Variants in DHX35 observed in about 807,000 individuals in gnomAD.
DHX35 encodes DEAH-box helicase 35.
DHX35 carries 84 observed loss-of-function variants against 99.6 expected under a neutral mutation model. The ratio of observed to expected loss-of-function variants is 0.84; its 90% CI spans 0.71 to 1.01. The LOEUF is 1.01. Ranked by LOEUF, DHX35 falls within the 50% of genes least tolerant of loss-of-function variation. DHX35 has a pLI of 0.00. For missense variants in DHX35, 852 were observed against 888.5 expected, an observed-to-expected ratio of 0.96 and a Z score of 0.52; for synonymous variants, 331 against 316.2, an observed-to-expected ratio of 1.05 and a Z score of -0.50.
rs760790227 is a variant in DHX35 at position 38,994,880 on chromosome 20, C to T, written c.642C>T (p.Asp214=). ...TAGCTTCAGCCACTCTGGATGCAGA[C>T]GTAAGAGCCTTGCCTCCCCTTTCCT... ...LIVASATLDA[D]KFRDFFNQNE... Residue 214 remains aspartate (D), a splice_region_variant and synonymous_variant, in exon 8 of 22, where the codon GAC becomes GAT. Coordinates refer to ENST00000252011, the MANE Select transcript of DHX35 (RefSeq NM_021931.4). The T allele has an allele frequency of 2.4e-5, 39 of 1,613,538 alleles. No homozygotes were observed. The highest frequency in any genetic ancestry group is 3.3e-5 in the Admixed American group (2 of 60,016).
chr20:38,973,262 C>A (rs2145839922), intron 3 of DHX35, among the ~76,000 whole-genome samples: 1 of 152,270 alleles, frequency 6.6e-6, no homozygotes, highest in East Asian at 1.9e-4. Flanking sequence ...TGAAGACTGA[C>A]TGAGCTTGAG....
At position 39,015,548 on chromosome 20, in the gene DHX35, C is replaced by T. The variant is rs6101364; in HGVS notation, c.1402+614C>T. ...AGAGAAAATCATAGTCTGAATTCAC[C>T]GCTTTGGGGAGTACTGTTTCTTCTG... is the stretch of plus-strand genomic sequence containing the variant. On this transcript the variant is annotated intron_variant, in intron 14 of 21. Coordinates refer to ENST00000252011, the MANE Select transcript of DHX35 (RefSeq NM_021931.4). Among the ~76,000 whole-genome samples the T allele has an allele frequency of 9.7e-3, 1,478 of 152,204 alleles. 15 individuals carry two copies. Among genetic ancestry groups the T allele is most frequent in the African/African-American group, 0.033 (1,364 of 41,514 alleles).
Position 38,977,821 on chromosome 20 carries a change from T to A in DHX35, c.267+5170T>A, listed in dbSNP as rs140106755. 1.6e-3 allele frequency: 900 copies of A among 548,332 alleles called. 15 individuals are homozygous for A. The East Asian group carries it at 0.025, about 15-fold the overall frequency. The allele number at this position is 548,332 out of a possible 1,614,324, so 34.0% of individuals were successfully genotyped here. On this transcript the variant is annotated intron_variant, in intron 3 of 21. Transcript: ENST00000252011. ...CCTTTTGATCTTGGTGTTGGTGGTA[T>A]TGAGTCTTTTCCATTCTGATTTGAC...
At chr20:39,001,619 AAT>A in intron 8 of DHX35, 109 bp from the exon 9 acceptor site, 1 of 731,612 alleles carries the variant, frequency 1.4e-6, no homozygotes, top group Non-Finnish European at 2.3e-6. Context: ...GCACATATAT[AAT>A]CTTGCTACTC....
At chr20:38,970,267 A>G (rs2085974533) in intron 2 of DHX35, among the ~76,000 whole-genome samples, 1 of 152,144 alleles carries the variant, frequency 6.6e-6, no homozygotes, top group South Asian at 2.1e-4. Flanking sequence ...CTGTGCTGAT[A>G]ATTCCTCTTC....
At chr20:39,023,801 A>G in intron 17 of DHX35, 34 bp downstream of exon 17, 1 of 1,564,074 alleles carries the variant, frequency 6.4e-7, no homozygotes, top group Non-Finnish European at 8.8e-7. Flanking sequence ...TGCCGCCTCA[A>G]CACACCACCC....
chr20:38,978,258 AT>A (rs2086113917), intron 3 of DHX35: 1 of 789,528 alleles, frequency 1.3e-6, no homozygotes, highest in African/African-American at 1.7e-5. Flanking sequence ...TGTGCAATTC[AT>A]CCTTTGCACC....
At chr20:38,984,449 T>C (rs1463848218) in intron 4 of DHX35, among the ~76,000 whole-genome samples, 1 of 152,196 alleles carries the variant, frequency 6.6e-6, no homozygotes, top group Non-Finnish European at 1.5e-5. Flanking sequence ...AAAAATGAGA[T>C]CATATTTAAT....
chr20:38,998,899 C>T (rs1486594051), intron 8 of DHX35, among the ~76,000 whole-genome samples: 7 of 152,210 alleles, frequency 4.6e-5, no homozygotes, highest in South Asian at 4.1e-4. Flanking sequence ...CAGGTTCAAA[C>T]GATTCTCCTG....
At chr20:38,977,674 C>G (rs2086102556) in intron 3 of DHX35, 1 of 367,228 alleles carries the variant, frequency 2.7e-6, no homozygotes. Context: ...AAAGTTCTCA[C>G]TCTGCATTAT....
chr20:39,017,789 T>C (rs912611363), intron 14 of DHX35, among the ~76,000 whole-genome samples: 1 of 152,226 alleles, frequency 6.6e-6, no homozygotes, highest in Admixed American at 6.5e-5. Context: ...CAGGAGGCAG[T>C]TGCATGAACA....
In DHX35 at chr20:39,018,857, T is replaced by C; in HGVS notation, c.1456T>C (p.Phe486Leu). 1 of 1,613,780 alleles carries C rather than the reference T, an allele frequency of 6.2e-7. No individual in the cohort carries two copies. Among genetic ancestry groups the C allele is most frequent in the South Asian group, 1.1e-5 (1 of 91,066 alleles). Reference protein sequence around the residue: ...TEPLGMRIAEFPLNPMFAKML... With the variant: ...TEPLGMRIAELPLNPMFAKML... ...ACCGCTTGGCATGAGAATTGCAGAGTTTCCTTTGAATCCCATGTTTGCCAA... is the reference window on the plus strand; with the variant it reads ...ACCGCTTGGCATGAGAATTGCAGAGCTTCCTTTGAATCCCATGTTTGCCAA... Residue 486 changes from phenylalanine to leucine, a missense_variant, in exon 15 of 22, where the codon TTT (phenylalanine) becomes CTT (leucine). Transcript: ENST00000252011.
At position 39,006,206 on chromosome 20, in the gene DHX35, A is replaced by G; in HGVS notation, c.1072A>G (p.Ile358Val). The G allele has an allele frequency of 6.2e-7, 1 of 1,614,174 alleles. No individual in the cohort carries two copies. The highest frequency in any genetic ancestry group is 1.1e-5 in the South Asian group (1 of 91,084). The change falls in exon 12 of 22, where the codon ATC (isoleucine) becomes GTC (valine). Residue 358 changes from isoleucine to valine, a missense_variant. Transcript: ENST00000252011. The stretch of plus-strand genomic sequence containing the variant: ...CACAATCAGCGGCATTGTGTATGTG[A>G]TCGACTGTGGCTTTGTGAAACTCCG... ...SITISGIVYVIDCGFVKLRAY... is the reference protein window; with the variant it reads ...SITISGIVYVVDCGFVKLRAY...
At chr20:39,008,299 C>T (rs2086650588) in intron 12 of DHX35, among the ~76,000 whole-genome samples, 1 of 152,186 alleles carries the variant, frequency 6.6e-6, no homozygotes. Context: ...GACATTTGGG[C>T]TGTTTTTGCC....
At position 39,021,702 on chromosome 20, in the gene DHX35, C is replaced by G. The variant is rs2086874532; in HGVS notation, c.1499-139C>G. 8 of 826,836 alleles carry G rather than the reference C, an allele frequency of 9.7e-6. No homozygotes were observed. The South Asian group carries it at 1.2e-4, about 13-fold the overall frequency. 51.2% of individuals were successfully genotyped at this position (826,836 alleles called of 1,614,324 possible). On this transcript the variant is annotated intron_variant, in intron 15 of 21. Coordinates refer to ENST00000252011, the MANE Select transcript of DHX35 (RefSeq NM_021931.4). ...TTGCCATGCTGCCCAGGCTTATATA[C>G]TATACACTTTAAAAATTAAGCTCTA... is the stretch of plus-strand genomic sequence containing the variant.
At chr20:39,019,719 G>T (rs1388322511) in intron 15 of DHX35, among the ~76,000 whole-genome samples, 3 of 152,128 alleles carry the variant, frequency 2.0e-5, no homozygotes, top group African/African-American at 7.2e-5. Flanking sequence ...CTAAGAATTT[G>T]TGCTAAGAAT....
chr20:39,025,327 T>G lies in DHX35; in HGVS notation c.1769T>G (p.Val590Gly). The G allele has an allele frequency of 6.2e-7, 1 of 1,613,884 alleles. No individual in the cohort carries two copies. Among genetic ancestry groups the G allele is most frequent in the Non-Finnish European group, 8.5e-7 (1 of 1,179,872 alleles). The change falls in exon 18 of 22, where the codon GTC (valine) becomes GGC (glycine). Residue 590 changes from valine to glycine, a missense_variant. Transcript: ENST00000252011. ...TVREQLKKLL[V>G]KFQVPRKSSE... ...AGAGAACAATTGAAAAAGCTTCTTG[T>G]CAAGTTTCAAGTGCCCAGGAAGTCT...
In DHX35 at chr20:38,991,583, G is replaced by C. The variant is rs937063331; in HGVS notation, c.512+68G>C. ...TCCCCAGGTAGACGGAGAAGCAGGT[G>C]TGTTAGTAGCTGGGATTCACGTCTG... is the stretch of plus-strand genomic sequence containing the variant. On this transcript the variant is annotated intron_variant, in intron 6 of 21. Transcript: ENST00000252011. 3 of 1,420,756 alleles carry C rather than the reference G, an allele frequency of 2.1e-6. No individual in the cohort carries two copies. In the Admixed American group the frequency reaches 5.5e-5, roughly 26 times the overall value. The allele number at this position is 1,420,756 out of a possible 1,614,324, so 88.0% of individuals were successfully genotyped here.
rs141921821 is a variant in DHX35, at chr20:39,004,308, G to A, written c.1011+401G>A. On this transcript the variant is annotated intron_variant, in intron 11 of 21. Transcript: ENST00000252011. ...TCTCGATCTCCTGACCTTGTGATCC[G>A]CCCACCTTGGCCTCCCAAAGTGCTG... is the stretch of plus-strand genomic sequence containing the variant. Among the ~76,000 whole-genome samples, 847 of 152,162 alleles carry A rather than the reference G, an allele frequency of 5.6e-3. 6 individuals carry two copies. The highest frequency in any genetic ancestry group is 9.3e-3 in the Non-Finnish European group (635 of 67,996).
Sources: allele counts gnomAD v4.1 joint callset (sites outside exome capture counted in the v4.1 genomes callset), GRCh38; gene constraint gnomAD v4.1.1; transcripts MANE v1.5; gene names NCBI Gene and HGNC (gene_info 2026-07-23, HGNC 2026-07-21).